The following ANKRD11 variants were observed in gnomAD, a reference collection of about 807,000 sequenced individuals.
The protein encoded by ANKRD11 is ankyrin repeat domain 11.
ANKRD11 carries 17 observed loss-of-function variants against 195.7 expected under a neutral mutation model. That is an observed-to-expected ratio of 0.09 (90% confidence interval 0.06 to 0.13). The LOEUF is 0.13. Among genes scored for constraint, ANKRD11 ranks in the 10% least tolerant of loss-of-function variants. The probability of loss-of-function intolerance (pLI) is 1.00; values close to 1 mark genes in which losing one functional copy is unlikely to be tolerated. For missense variants in ANKRD11, 3,735 were observed against 3,566.1 expected, an observed-to-expected ratio of 1.05 and a Z score of -1.21; for synonymous variants, 1,953 against 1,528.1, an observed-to-expected ratio of 1.28 and a Z score of -6.49.
intron 3 of ANKRD11, among the ~76,000 whole-genome samples, chr16:89,308,783 G>A (rs1411112638): frequency 2.2e-4 from 33 of 152,192 alleles, no homozygotes; most frequent in Admixed American, 3.3e-4. Flanking sequence ...ATGGAATACC[G>A]CAGGGGGTGC....
intron 2 of ANKRD11, among the ~76,000 whole-genome samples, chr16:89,395,355 G>C (rs1476065177): frequency 6.6e-6 from 1 of 152,222 alleles, no homozygotes; most frequent in Non-Finnish European, 1.5e-5. Context: ...ACGGCAAGCT[G>C]TTACATAAGA....
Position 89,281,079 on chromosome 16 carries a change from G to A in ANKRD11, c.5463C>T (p.Tyr1821=). 1.9e-6 allele frequency: 3 copies of A among 1,609,022 alleles called. No individual in the cohort carries two copies. Among genetic ancestry groups the A allele is most frequent in the Non-Finnish European group, 2.6e-6 (3 of 1,176,200 alleles). The change falls in exon 9 of 13, where the codon TAC becomes TAT. Residue 1821 remains tyrosine, a synonymous_variant. Transcript: ENST00000301030. The surrounding 1 kb of genome is among the most constrained non-coding windows in gnomAD (Gnocchi z 5.5). ...RQQSVPAASS[Y]DSPMPPSMED... ...CCATCGAGGGTGGCATGGGAGAGTCGTAGCTGGAGGCAGCAGGAACGCTCT... is the reference window on the plus strand; with the variant it reads ...CCATCGAGGGTGGCATGGGAGAGTCATAGCTGGAGGCAGCAGGAACGCTCT...
At chr16:89,401,105 C>T (rs1034231844) in intron 2 of ANKRD11, among the ~76,000 whole-genome samples, 2 of 150,084 alleles carry the variant, frequency 1.3e-5, no homozygotes, top group African/African-American at 4.9e-5. Context: ...CCCGCCCTCC[C>T]CCTCCCCAGA....
intron 1 of ANKRD11, among the ~76,000 whole-genome samples, chr16:89,430,538 A>T (rs866154983): frequency 4.9e-4 from 69 of 140,602 alleles, no homozygotes; most frequent in African/African-American, 1.3e-3. Context: ...TCACGCTCAG[A>T]CGTTCTAGTA....
At chr16:89,324,152 C>A in intron 2 of ANKRD11, 1 of 1,024,118 alleles carries the variant, frequency 9.8e-7, no homozygotes, top group Non-Finnish European at 1.3e-6. Flanking sequence ...AGCCCTGTTT[C>A]CACTCACATT....
At position 89,434,347 on chromosome 16, in the gene ANKRD11, T is replaced by C. The variant is rs550633063; in HGVS notation, c.-144-15979A>G. On this transcript the variant is annotated intron_variant, in intron 1 of 12. Transcript: ENST00000301030. ...ACTCCCAGTCATACAGTTGTCGAAA[T>C]AATGACCATAAAGCAATTCTTCTCT... Among the ~76,000 whole-genome samples the C allele has an allele frequency of 2.0e-5, 3 of 152,304 alleles. No homozygotes were observed. In the South Asian group the frequency reaches 6.2e-4, roughly 32 times the overall value.
At chr16:89,312,883 G>A (rs540365417) in intron 3 of ANKRD11, among the ~76,000 whole-genome samples, 1 of 152,208 alleles carries the variant, frequency 6.6e-6, no homozygotes, top group African/African-American at 2.4e-5. Flanking sequence ...CTTGAGGGAC[G>A]TAGCTCCCAG....
chr16:89,317,082 CAA>C lies in ANKRD11; in HGVS notation c.-59-6_-59-5del, dbSNP rs750866890. ...GCGCTTCATCATCAACCGTCTGCTT[CAA>C]AAGAGAAGACACACAATTCACTGAA... On this transcript the variant is annotated splice_polypyrimidine_tract_variant and splice_region_variant and intron_variant, in intron 2 of 12. Coordinates refer to ENST00000301030, the MANE Select transcript of ANKRD11 (RefSeq NM_013275.6). The C allele has an allele frequency of 2.0e-6, 3 of 1,527,756 alleles. No homozygotes were observed. In the East Asian group the frequency reaches 7.1e-5, roughly 36 times the overall value. The allele number at this position is 1,527,756 out of a possible 1,614,324, so 94.6% of individuals were successfully genotyped here. A position where few individuals can be genotyped will look rare whatever the true frequency, so the allele number is the denominator to read the frequency against.
chr16:89,324,259 T>C, intron 2 of ANKRD11: 1 of 1,229,166 alleles, frequency 8.1e-7, no homozygotes, highest in Non-Finnish European at 1.0e-6. Context: ...CACTGGGCTG[T>C]GGAACATACA....
intron 11 of ANKRD11, 107 bp from the exon 12 acceptor site, chr16:89,271,016 A>AG: frequency 9.9e-7 from 1 of 1,009,494 alleles, no homozygotes. Flanking sequence ...GGACAACCAC[A>AG]GGGGGAGCCT....
At chr16:89,341,610 A>T (rs934790194) in intron 2 of ANKRD11, among the ~76,000 whole-genome samples, 1 of 152,068 alleles carries the variant, frequency 6.6e-6, no homozygotes, top group African/African-American at 2.4e-5. Flanking sequence ...CTCCTCTCCC[A>T]CCCCATCCAG....
At chr16:89,470,641 C>T (rs547207089) in intron 1 of ANKRD11, among the ~76,000 whole-genome samples, 18 of 152,166 alleles carry the variant, frequency 1.2e-4, no homozygotes, top group African/African-American at 3.6e-4. Flanking sequence ...GTCAGGAGAT[C>T]GAGACCATCC....
At chr16:89,433,300 T>G (rs1003731308) in intron 1 of ANKRD11, among the ~76,000 whole-genome samples, 1 of 152,232 alleles carries the variant, frequency 6.6e-6, no homozygotes, top group Non-Finnish European at 1.5e-5. Flanking sequence ...CCAGGCTCTT[T>G]CAGTCTGCTA....
At chr16:89,384,874 GTTTTCTTTTTTTTTT>G (rs2040830949) in intron 2 of ANKRD11, among the ~76,000 whole-genome samples, 2 of 72,770 alleles carry the variant, frequency 2.7e-5, no homozygotes, top group African/African-American at 1.1e-4. Context: ...ATGAGAAATA[GTTTTCTTTTTTTTTT>G]TTTTTTTTTT....
At chr16:89,399,942 C>T (rs1030386624) in intron 2 of ANKRD11, among the ~76,000 whole-genome samples, 1 of 152,158 alleles carries the variant, frequency 6.6e-6, no homozygotes, top group Non-Finnish European at 1.5e-5. Context: ...CAGAGTAAGC[C>T]GAGTGACACA....
intron 2 of ANKRD11, among the ~76,000 whole-genome samples, chr16:89,375,410 T>G (rs1321412268): frequency 3.3e-5 from 5 of 151,922 alleles, no homozygotes; most frequent in African/African-American, 1.2e-4. Context: ...ACTATGGTCA[T>G]GCCTGTGACA....
rs757738828 is a variant in ANKRD11, at chr16:89,284,618, CCTT to C, written c.1921_1923del (p.Lys641del). The stretch of plus-strand genomic sequence containing the variant: ...TGGCTGATGGAACACTGTCCCTTCT[CCTT>C]GTTTTTGTGTTTGTGTTTTGTTTTA... On this transcript the variant is annotated inframe_deletion, in exon 9 of 13. Coordinates refer to ENST00000301030, the MANE Select transcript of ANKRD11 (RefSeq NM_013275.6). 3.8e-5 allele frequency: 61 copies of C among 1,614,002 alleles called. No homozygotes were observed. In the Middle Eastern group the frequency reaches 4.9e-4, roughly 13 times the overall value.
chr16:89,483,769 G>A (rs572772541), intron 1 of ANKRD11, among the ~76,000 whole-genome samples: 36 of 151,558 alleles, frequency 2.4e-4, no homozygotes, highest in African/African-American at 4.8e-4. Flanking sequence ...CGGAGGTTGC[G>A]GTGAGCCAAG....
At chr16:89,388,225 C>T (rs1203595594) in intron 2 of ANKRD11, among the ~76,000 whole-genome samples, 6 of 151,788 alleles carry the variant, frequency 4.0e-5, no homozygotes, top group Middle Eastern at 3.5e-3. Context: ...GACCTGACTC[C>T]GACGCAATCA....
Sources: gnomAD v4.1 joint callset for allele counts (sites outside exome capture counted in the v4.1 genomes callset) on GRCh38, gnomAD v4.1.1 for gene constraint, Gnocchi (gnomAD v3.1) non-coding constraint, MANE v1.5 for transcripts, NCBI Gene and HGNC (gene_info 2026-07-23, HGNC 2026-07-21) for gene names.